Variants in SLC25A17 observed in about 807,000 individuals in gnomAD.
SLC25A17 encodes peroxisomal membrane protein PMP34.
Under a neutral mutation model 38.5 loss-of-function variants are expected in SLC25A17, and 26 were observed. The ratio of observed to expected loss-of-function variants is 0.68; its 90% CI spans 0.50 to 0.94. The LOEUF is 0.94. Ranked by LOEUF, SLC25A17 falls within the 40% of genes least tolerant of loss-of-function variation. The pLI is 0.00. For synonymous variants in SLC25A17, 139 were observed against 136.2 expected, an observed-to-expected ratio of 1.02 and a Z score of -0.14; for missense variants, 333 against 372.7, an observed-to-expected ratio of 0.89 and a Z score of 0.88.
chr22:40,775,484 T>G, intron 7 of SLC25A17, among the ~76,000 whole-genome samples: 1 of 122,400 alleles, frequency 8.2e-6, no homozygotes, highest in Non-Finnish European at 1.6e-5. Flanking sequence ...TGAGACGGAG[T>G]CTCGCTCTGT....
chr22:40,773,410 CAAAAAAAA>C (rs59479764), intron 8 of SLC25A17, among the ~76,000 whole-genome samples: 2 of 74,320 alleles, frequency 2.7e-5, no homozygotes, highest in Admixed American at 1.7e-4. Flanking sequence ...ACTCTGTCTC[CAAAAAAAA>C]AAAAAAAAAA....
At chr22:40,775,715 G>A (rs1008837893) in intron 7 of SLC25A17, among the ~76,000 whole-genome samples, 2 of 151,440 alleles carry the variant, frequency 1.3e-5, no homozygotes, top group Non-Finnish European at 2.9e-5. Flanking sequence ...CACCCGCCTC[G>A]GCCTCCCAAA....
intron 1 of SLC25A17, among the ~76,000 whole-genome samples, chr22:40,812,121 C>T (rs1340845322): frequency 2.0e-5 from 3 of 151,832 alleles, no homozygotes; most frequent in African/African-American, 7.3e-5. Flanking sequence ...TCTCAAACTC[C>T]TGGCCTCAAG....
intron 3 of SLC25A17, 80 bp downstream of exon 3, chr22:40,794,434 A>C: frequency 1.2e-6 from 1 of 818,630 alleles, no homozygotes; most frequent in Non-Finnish European, 2.1e-6. Context: ...AGAAAGATAG[A>C]AAGTAAGCAT....
intron 1 of SLC25A17, among the ~76,000 whole-genome samples, chr22:40,816,704 A>G (rs138327): frequency 0.99 from 149,488 of 151,704 alleles, 73,664 homozygotes; most frequent in Middle Eastern, 1. Flanking sequence ...TCTGCCTCCC[A>G]GGTTCAAGTG....
At chr22:40,788,230 A>C (rs912778117) in intron 4 of SLC25A17, among the ~76,000 whole-genome samples, 2 of 152,206 alleles carry the variant, frequency 1.3e-5, no homozygotes, top group South Asian at 2.1e-4. Context: ...TAATCAATAT[A>C]TATTTTTTAA....
intron 1 of SLC25A17, among the ~76,000 whole-genome samples, chr22:40,810,231 T>C (rs930309533): frequency 1.3e-5 from 2 of 152,186 alleles, no homozygotes; most frequent in Admixed American, 6.5e-5. Flanking sequence ...TCCCTATCTT[T>C]TAGTGCATTA....
In SLC25A17 at chr22:40,771,000, G is replaced by GA. The variant is rs1365109444; in HGVS notation, c.777-20dup. ...AAAACGTCTAAAGGGAAAGAGGTTT[G>GA]AAAAAACAGAAGTCAGCTCCTGCAT... On this transcript the variant is annotated intron_variant, in intron 8 of 8. Coordinates refer to ENST00000435456, the MANE Select transcript of SLC25A17 (RefSeq NM_006358.4). 5.9e-6 allele frequency: 9 copies of GA among 1,526,770 alleles called. No individual in the cohort carries two copies. Among genetic ancestry groups the GA allele is most frequent in the Admixed American group, 1.9e-5 (1 of 51,474 alleles). The allele number at this position is 1,526,770 out of a possible 1,614,324, so 94.6% of individuals were successfully genotyped here.
intron 4 of SLC25A17, among the ~76,000 whole-genome samples, chr22:40,780,492 C>T (rs1427890047): frequency 6.6e-6 from 1 of 152,168 alleles, no homozygotes; most frequent in African/African-American, 2.4e-5. Context: ...CAAAAGCACC[C>T]ATGCCCCAGA....
intron 1 of SLC25A17, among the ~76,000 whole-genome samples, chr22:40,801,443 C>G (rs2057483491): frequency 6.6e-6 from 1 of 152,020 alleles, no homozygotes; most frequent in South Asian, 2.1e-4. Context: ...CTTTCTATAT[C>G]TGTGCACATC....
Position 40,770,723 on chromosome 22 carries a change from G to A in SLC25A17, c.*111C>T, listed in dbSNP as rs1274324504. 2 of 1,170,182 alleles carry A rather than the reference G, an allele frequency of 1.7e-6. No individual in the cohort carries two copies. The highest frequency in any genetic ancestry group is 2.4e-5 in the Admixed American group (1 of 42,206). 72.5% of individuals were successfully genotyped at this position (1,170,182 alleles called of 1,614,324 possible). On this transcript the variant is annotated 3_prime_UTR_variant, in exon 9 of 9. Coordinates refer to ENST00000435456, the MANE Select transcript of SLC25A17 (RefSeq NM_006358.4). The stretch of plus-strand genomic sequence containing the variant: ...ACCCTTGGATGCTTTTCAAGCCAAT[G>A]AGGGTAACATTTGTGGTGGCAGGAG...
At chr22:40,816,195 T>A (rs142702044) in intron 1 of SLC25A17, among the ~76,000 whole-genome samples, 5,193 of 132,614 alleles carry the variant, frequency 0.039, 127 homozygotes, top group Middle Eastern at 0.085. Context: ...CGAAACTCCA[T>A]CTCAAAAAAA....
rs1160857712 is a variant in SLC25A17 at position 40,789,537 on chromosome 22, C to A, written c.334+2988G>T. On this transcript the variant is annotated intron_variant, in intron 4 of 8. Transcript: ENST00000435456. The surrounding 1 kb of genome is among the most constrained non-coding windows in gnomAD (Gnocchi z 4.5). ...TTTGTTTATTTAGAGGTAGAGTTTCCCTCTTGTTGCCCAGGCTGGAGTGCA... is the reference window on the plus strand; with the variant it reads ...TTTGTTTATTTAGAGGTAGAGTTTCACTCTTGTTGCCCAGGCTGGAGTGCA... Among the ~76,000 whole-genome samples the A allele has an allele frequency of 6.6e-6, 1 of 151,984 alleles. No homozygotes were observed. The highest frequency in any genetic ancestry group is 1.5e-5 in the Non-Finnish European group (1 of 67,984).
intron 1 of SLC25A17, among the ~76,000 whole-genome samples, chr22:40,810,527 A>G (rs1406236068): frequency 6.6e-6 from 1 of 151,894 alleles, no homozygotes; most frequent in African/African-American, 2.4e-5. Flanking sequence ...TTGAGTTTTT[A>G]GTAGAGACAC....
At chr22:40,803,828 T>G (rs1198840096) in intron 1 of SLC25A17, among the ~76,000 whole-genome samples, 2 of 151,936 alleles carry the variant, frequency 1.3e-5, no homozygotes, top group South Asian at 2.1e-4. Context: ...TTGTTTTTTT[T>G]TTTTTTTTAA....
intron 2 of SLC25A17, 102 bp downstream of exon 2, chr22:40,798,921 C>G (rs1217130725): frequency 1.3e-6 from 1 of 777,568 alleles, no homozygotes; most frequent in East Asian, 2.9e-5. Context: ...CCAGCCTGGG[C>G]TACAAAAGCG....
intron 8 of SLC25A17, among the ~76,000 whole-genome samples, chr22:40,773,158 C>T (rs765644624): frequency 7.9e-5 from 12 of 151,984 alleles, no homozygotes; most frequent in Non-Finnish European, 1.6e-4. Context: ...ACCTGTAATC[C>T]CAGCACTTTG....
chr22:40,802,874 AATTT>A (rs753595033), intron 1 of SLC25A17, among the ~76,000 whole-genome samples: 23 of 152,128 alleles, frequency 1.5e-4, no homozygotes, highest in East Asian at 3.9e-4. Flanking sequence ...GACATTTCAA[AATTT>A]ATTTATTTAT....
At chr22:40,800,467 T>C (rs1398202581) in intron 1 of SLC25A17, among the ~76,000 whole-genome samples, 1 of 152,204 alleles carries the variant, frequency 6.6e-6, no homozygotes, top group Non-Finnish European at 1.5e-5. Context: ...GGCGAGATCA[T>C]AGTTCACTGT....
Sources: gnomAD v4.1 joint callset for allele counts (sites outside exome capture counted in the v4.1 genomes callset) on GRCh38, gnomAD v4.1.1 for gene constraint, Gnocchi (gnomAD v3.1) non-coding constraint, MANE v1.5 for transcripts, NCBI Gene and HGNC (gene_info 2026-07-23, HGNC 2026-07-21) for gene names.